The following CDKAL1 variants were observed in gnomAD, a reference collection of about 807,000 sequenced individuals.
CDKAL1 encodes CDKAL1 threonylcarbamoyladenosine tRNA methylthiotransferase, also known as threonylcarbamoyladenosine tRNA methylthiotransferase.
In CDKAL1, 32 loss-of-function variants were observed where a neutral mutation model predicts 68.2. The observed-to-expected ratio is 0.47, with a 90% confidence interval of 0.35 to 0.63. CDKAL1 has a LOEUF of 0.63. Among genes scored for constraint, CDKAL1 ranks in the 30% least tolerant of loss-of-function variants. The probability of loss-of-function intolerance (pLI) is 0.00; values close to 1 mark genes in which losing one functional copy is unlikely to be tolerated. For missense variants in CDKAL1, 606 were observed against 696.7 expected (o/e 0.87, Z 1.47); for synonymous variants, 234 against 244.3 (o/e 0.96, Z 0.39).
At chr6:20,647,337 C>T (rs1043816092) in intron 4 of CDKAL1, among the ~76,000 whole-genome samples, 1 of 152,152 alleles carries the variant, frequency 6.6e-6, no homozygotes, top group Non-Finnish European at 1.5e-5. Context: ...ATCACTATGG[C>T]CTTCCAAGCT....
chr6:21,204,636 A>G (rs1329771296), intron 15 of CDKAL1, among the ~76,000 whole-genome samples: 2 of 152,190 alleles, frequency 1.3e-5, no homozygotes, highest in African/African-American at 4.8e-5. Context: ...AGAGGAAGGC[A>G]CTATTATTAT....
Position 21,116,626 on chromosome 6 carries a change from C to T in CDKAL1, c.1299+8163C>T, listed in dbSNP as rs151010921. 7.6e-4 allele frequency among the ~76,000 whole-genome samples: 115 copies of T among 152,066 alleles called. 1 individual carries two copies. Among genetic ancestry groups the T allele is most frequent in the African/African-American group, 2.7e-3 (110 of 41,506 alleles). ...CACAGTGCAGAGATTGGAAAGTTTC[C>T]TAGGTCATCATTTAAGAATACCCTA... On this transcript the variant is annotated intron_variant, in intron 13 of 15. Transcript: ENST00000274695.
Position 20,574,800 on chromosome 6 carries a change from A to G in CDKAL1, c.286+26095A>G, listed in dbSNP as rs117342503. On this transcript the variant is annotated intron_variant, in intron 4 of 15. Transcript: ENST00000274695. ...GTTTTATGGTATGAAAACACTCTTT[A>G]ATCTTGAAGGGTGAGTAATTTTGGG... 9.7e-4 allele frequency among the ~76,000 whole-genome samples: 148 copies of G among 152,192 alleles called. 2 individuals carry two copies. The East Asian group carries it at 0.016, about 16-fold the overall frequency.
At chr6:20,851,164 T>C (rs1449103913) in intron 9 of CDKAL1, among the ~76,000 whole-genome samples, 1 of 152,190 alleles carries the variant, frequency 6.6e-6, no homozygotes. Context: ...CACAGACTGT[T>C]GTGAAACCTT....
chr6:21,158,210 A>G (rs1293404454), intron 13 of CDKAL1, among the ~76,000 whole-genome samples: 3 of 152,122 alleles, frequency 2.0e-5, no homozygotes, highest in Non-Finnish European at 4.4e-5. Flanking sequence ...TTACACAAGG[A>G]GGTTTCTTTT....
intron 13 of CDKAL1, among the ~76,000 whole-genome samples, chr6:21,148,461 A>G (rs956786663): frequency 7.9e-5 from 12 of 152,244 alleles, no homozygotes; most frequent in East Asian, 3.8e-4. Context: ...AACAGAGCAT[A>G]TACAGAAGAA....
intron 4 of CDKAL1, among the ~76,000 whole-genome samples, chr6:20,611,533 A>C (rs935901618): frequency 3.3e-5 from 5 of 152,218 alleles, no homozygotes. Context: ...GTTTAAAATT[A>C]ATAATGTGTG....
At chr6:20,857,921 G>A (rs941605198) in intron 9 of CDKAL1, among the ~76,000 whole-genome samples, 2 of 152,074 alleles carry the variant, frequency 1.3e-5, no homozygotes, top group African/African-American at 4.8e-5. Flanking sequence ...GTGCAGTGGC[G>A]CGATCTTGGC....
At position 20,704,455 on chromosome 6, in the gene CDKAL1, G is replaced by C. The variant is rs140350784; in HGVS notation, c.372-35064G>C. ...ATTTGAGAAAAGAACATTCTAGACAGAGGAAACAGCAATAAAAAAAACACT... is the reference window on the plus strand; with the variant it reads ...ATTTGAGAAAAGAACATTCTAGACACAGGAAACAGCAATAAAAAAAACACT... On this transcript the variant is annotated intron_variant, in intron 5 of 15. Transcript: ENST00000274695. Among the ~76,000 whole-genome samples, 494 of 151,996 alleles carry C rather than the reference G, an allele frequency of 3.3e-3. 6 individuals are homozygous for C. The highest frequency in any genetic ancestry group is 0.011 in the African/African-American group (465 of 41,312).
chr6:20,834,558 A>T (rs981891989), intron 8 of CDKAL1, among the ~76,000 whole-genome samples: 12 of 152,082 alleles, frequency 7.9e-5, no homozygotes, highest in African/African-American at 2.9e-4. Context: ...GACTTTTAGC[A>T]TTTGGGGGTT....
intron 4 of CDKAL1, among the ~76,000 whole-genome samples, chr6:20,634,009 A>G (rs76750282): frequency 0.016 from 2,476 of 152,256 alleles, 53 homozygotes; most frequent in African/African-American, 0.056. Flanking sequence ...TAATCTAAAG[A>G]TCTCTTTTAA....
chr6:20,600,793 C>CATATATATAT (rs1227780710), intron 4 of CDKAL1, among the ~76,000 whole-genome samples: 12 of 86,208 alleles, frequency 1.4e-4, no homozygotes, highest in African/African-American at 4.1e-4. Flanking sequence ...TATATACACA[C>CATATATATAT]ACACACATGA....
chr6:21,150,597 C>G (rs759262389), intron 13 of CDKAL1, among the ~76,000 whole-genome samples: 2 of 152,152 alleles, frequency 1.3e-5, no homozygotes, highest in African/African-American at 2.4e-5. Context: ...TAGCCAAACA[C>G]TCTTATCAAT....
Position 20,576,924 on chromosome 6 carries a change from A to G in CDKAL1, c.286+28219A>G, listed in dbSNP as rs115152353. Among the ~76,000 whole-genome samples, 306 of 152,114 alleles carry G rather than the reference A, an allele frequency of 2.0e-3. 2 individuals carry two copies. Among genetic ancestry groups the G allele is most frequent in the Non-Finnish European group, 2.8e-3 (187 of 67,970 alleles). On this transcript the variant is annotated intron_variant, in intron 4 of 15. Coordinates refer to ENST00000274695, the MANE Select transcript of CDKAL1 (RefSeq NM_017774.3). Reference sequence around the variant, plus strand: ...ATGGCACAGGTATATATATATTTTAATTTTTTACTGTGTATGTCTAAAATG... The same window carrying G: ...ATGGCACAGGTATATATATATTTTAGTTTTTTACTGTGTATGTCTAAAATG...
At chr6:20,943,656 T>G (rs1420420906) in intron 9 of CDKAL1, among the ~76,000 whole-genome samples, 5 of 120,894 alleles carry the variant, frequency 4.1e-5, no homozygotes, top group South Asian at 4.6e-4. Flanking sequence ...TCTTCTTTTG[T>G]TTTTTTTTTA....
chr6:20,884,236 A>G (rs574501992), intron 9 of CDKAL1, among the ~76,000 whole-genome samples: 5 of 152,344 alleles, frequency 3.3e-5, no homozygotes, highest in African/African-American at 1.2e-4. Context: ...ATGAATGAAG[A>G]AAAGGTATTT....
chr6:20,747,546 G>C (rs750986552), intron 6 of CDKAL1, among the ~76,000 whole-genome samples: 1 of 152,232 alleles, frequency 6.6e-6, no homozygotes, highest in East Asian at 1.9e-4. Flanking sequence ...ATAGCTCATG[G>C]TGGTTTTGAT....
chr6:20,934,015 T>C (rs1416687009), intron 9 of CDKAL1, among the ~76,000 whole-genome samples: 3 of 152,056 alleles, frequency 2.0e-5, no homozygotes, highest in African/African-American at 7.2e-5. Flanking sequence ...GTGGTCCTTA[T>C]CACAGTAGTT....
At chr6:20,878,272 T>A (rs1309277655) in intron 9 of CDKAL1, among the ~76,000 whole-genome samples, 1 of 152,162 alleles carries the variant, frequency 6.6e-6, no homozygotes, top group African/African-American at 2.4e-5. Flanking sequence ...CTTTAGATAG[T>A]AACTGGGAAC....
Sources: gnomAD v4.1 joint callset for allele counts (sites outside exome capture counted in the v4.1 genomes callset) on GRCh38, gnomAD v4.1.1 for gene constraint, MANE v1.5 for transcripts, NCBI Gene and HGNC (gene_info 2026-07-23, HGNC 2026-07-21) for gene names.